The following KLHL29 variants were observed in gnomAD, a reference collection of about 807,000 sequenced individuals.
The protein encoded by KLHL29 is kelch like family member 29, also known as kelch-like protein 29.
KLHL29 carries 21 observed loss-of-function variants against 80.4 expected under a neutral mutation model. That is an observed-to-expected ratio of 0.26 (90% confidence interval 0.19 to 0.38). The LOEUF is 0.38. Ranked by LOEUF, KLHL29 falls within the 10% of genes least tolerant of loss-of-function variation. The probability of loss-of-function intolerance (pLI) is 1.00; values close to 1 mark genes in which losing one functional copy is unlikely to be tolerated. For synonymous variants in KLHL29, 511 were observed against 526.8 expected (o/e 0.97, Z 0.41); for missense variants, 867 against 1,223.9 (o/e 0.71, Z 4.35).
At position 23,642,522 on chromosome 2, in the gene KLHL29, C is replaced by T; in HGVS notation, c.612C>T (p.Tyr204=). 1 of 1,534,396 alleles carries T rather than the reference C, an allele frequency of 6.5e-7. No homozygotes were observed. The highest frequency in any genetic ancestry group is 8.8e-7 in the Non-Finnish European group (1 of 1,135,216). The change falls in exon 5 of 14, where the codon TAC becomes TAT. Residue 204 remains tyrosine (Y), a synonymous_variant. Coordinates refer to ENST00000486442, the MANE Select transcript of KLHL29 (RefSeq NM_052920.2). ...AGCTCCCGCTGATGCCAGGCCACTA[C>T]TCGCTCCCTCAGCCGCCCTCTCAGC... ...GPQLPLMPGH[Y]SLPQPPSQPL... is the part of the protein sequence containing the mutation.
At chr2:23,507,150 G>A (rs1389586671) in intron 2 of KLHL29, 15 of 429,856 alleles carry the variant, frequency 3.5e-5, no homozygotes, top group South Asian at 8.3e-5. Context: ...CCAGCTGTTG[G>A]TGGCGCTCAC....
Position 23,696,235 on chromosome 2 carries a change from T to C in KLHL29, c.1925-98T>C. ...AGGCCATGGCCCAGAAGTGTCTACT[T>C]TGCAGGTGAAGCCTTCCTCTGCCCC... is the stretch of plus-strand genomic sequence containing the variant. On this transcript the variant is annotated intron_variant, in intron 10 of 13. Coordinates refer to ENST00000486442, the MANE Select transcript of KLHL29 (RefSeq NM_052920.2). This position sits in a 1 kb window ranked among gnomAD's most constrained non-coding sequence, Gnocchi z 5.5. 6.7e-7 allele frequency: 1 copy of C among 1,487,230 alleles called. No individual in the cohort carries two copies. 92.1% of individuals were successfully genotyped at this position (1,487,230 alleles called of 1,614,324 possible).
At chr2:23,674,967 G>A (rs1670882099) in intron 5 of KLHL29, among the ~76,000 whole-genome samples, 1 of 151,988 alleles carries the variant, frequency 6.6e-6, no homozygotes, top group Non-Finnish European at 1.5e-5. Flanking sequence ...GCTCTTCCAG[G>A]TCCTGCCTTG....
At position 23,576,505 on chromosome 2, in the gene KLHL29, G is replaced by A. The variant is rs554979342; in HGVS notation, c.285+14024G>A. On this transcript the variant is annotated intron_variant, in intron 3 of 13. Coordinates refer to ENST00000486442, the MANE Select transcript of KLHL29 (RefSeq NM_052920.2). ...TGTGTTATAATGACATTAAAAAGGC[G>A]TTCTGAATTAGGTTCCATGTACCAC... Among the ~76,000 whole-genome samples the A allele has an allele frequency of 1.6e-4, 24 of 152,234 alleles. No homozygotes were observed. The East Asian group carries it at 2.9e-3, about 18-fold the overall frequency.
chr2:23,647,883 G>A lies in KLHL29; in HGVS notation c.940+5033G>A, dbSNP rs186861973. Among the ~76,000 whole-genome samples the A allele has an allele frequency of 7.9e-5, 12 of 152,196 alleles. No individual in the cohort carries two copies. Among genetic ancestry groups the A allele is most frequent in the Non-Finnish European group, 8.8e-5 (6 of 68,008 alleles). On this transcript the variant is annotated intron_variant, in intron 5 of 13. Coordinates refer to ENST00000486442, the MANE Select transcript of KLHL29 (RefSeq NM_052920.2). This position sits in a 1 kb window ranked among gnomAD's most constrained non-coding sequence, Gnocchi z 4.9. ...TGAGCCCCGGGGTCAGGGGCAGCAA[G>A]GATGCTATTTCATCCCCACTCCCCC...
intron 3 of KLHL29, among the ~76,000 whole-genome samples, chr2:23,572,512 G>T (rs1056536114): frequency 1.3e-5 from 2 of 152,140 alleles, no homozygotes; most frequent in African/African-American, 2.4e-5. Flanking sequence ...TCAGCTGCCC[G>T]TGATGCCCAG....
intron 1 of KLHL29, among the ~76,000 whole-genome samples, chr2:23,455,001 T>TG (rs10679555): frequency 0.56 from 70,577 of 125,464 alleles, 19,123 homozygotes; most frequent in South Asian, 0.71. Context: ...AACAGTGGGT[T>TG]GGGGGGGGGG....
intron 3 of KLHL29, among the ~76,000 whole-genome samples, chr2:23,585,242 A>C (rs1401176640): frequency 6.6e-6 from 1 of 152,248 alleles, no homozygotes; most frequent in East Asian, 1.9e-4. Flanking sequence ...GCAACATGGC[A>C]GCTGAAATCG....
chr2:23,407,291 C>T (rs1434714030), intron 1 of KLHL29, among the ~76,000 whole-genome samples: 1 of 152,068 alleles, frequency 6.6e-6, no homozygotes, highest in African/African-American at 2.4e-5. Context: ...TGTGAATACT[C>T]ACTTTACCCT....
At chr2:23,455,719 C>G (rs1296570871) in intron 1 of KLHL29, among the ~76,000 whole-genome samples, 1 of 148,734 alleles carries the variant, frequency 6.7e-6, no homozygotes, top group Non-Finnish European at 1.5e-5. Context: ...TCAAAAGATT[C>G]TCCTGCCTCA....
At chr2:23,658,752 C>T (rs1454725888) in intron 5 of KLHL29, among the ~76,000 whole-genome samples, 6 of 152,314 alleles carry the variant, frequency 3.9e-5, no homozygotes, top group Middle Eastern at 3.4e-3. Context: ...GACATGCTGA[C>T]GCAGAGGAAA....
chr2:23,553,527 T>C (rs1015370023), intron 2 of KLHL29, among the ~76,000 whole-genome samples: 8 of 152,168 alleles, frequency 5.3e-5, no homozygotes, highest in African/African-American at 1.9e-4. Context: ...ACCCCACATT[T>C]CATGTCCACT....
chr2:23,503,754 C>T lies in KLHL29; in HGVS notation c.-46+28087C>T, dbSNP rs565996066. The stretch of plus-strand genomic sequence containing the variant: ...GACCCTGACCGGCAGCAGCTGCCAG[C>T]GAAGGAGGAAGGAAACACAGACAGG... On this transcript the variant is annotated intron_variant, in intron 2 of 13. Transcript: ENST00000486442. This position sits in a 1 kb window ranked among gnomAD's most constrained non-coding sequence, Gnocchi z 4.0. 1.3e-5 allele frequency among the ~76,000 whole-genome samples: 2 copies of T among 152,292 alleles called. No individual in the cohort carries two copies. Among genetic ancestry groups the T allele is most frequent in the South Asian group, 4.1e-4 (2 of 4,822 alleles).
At chr2:23,572,105 G>A (rs1667729673) in intron 3 of KLHL29, among the ~76,000 whole-genome samples, 3 of 152,180 alleles carry the variant, frequency 2.0e-5, no homozygotes. Flanking sequence ...CCACACTCCT[G>A]TGTGTCAGCG....
intron 1 of KLHL29, among the ~76,000 whole-genome samples, chr2:23,422,780 CTGTG>C (rs748071406): frequency 9.9e-5 from 15 of 151,760 alleles, no homozygotes; most frequent in African/African-American, 3.6e-4. Flanking sequence ...GTGTGTGTGC[CTGTG>C]TGTGTGTTCG....
chr2:23,660,235 C>T (rs1670367276), intron 5 of KLHL29, among the ~76,000 whole-genome samples: 1 of 152,202 alleles, frequency 6.6e-6, no homozygotes, highest in South Asian at 2.1e-4. Context: ...CCTGCCTCAC[C>T]AACTGAAAGA....
At chr2:23,493,948 A>G (rs966442082) in intron 2 of KLHL29, among the ~76,000 whole-genome samples, 1 of 152,254 alleles carries the variant, frequency 6.6e-6, no homozygotes, top group Non-Finnish European at 1.5e-5. Flanking sequence ...GCACTTACCT[A>G]CACTGAAAGA....
At chr2:23,636,749 T>TGCCC in intron 3 of KLHL29, among the ~76,000 whole-genome samples, 1 of 152,350 alleles carries the variant, frequency 6.6e-6, no homozygotes, top group South Asian at 2.1e-4. Flanking sequence ...GCCAAGGGGC[T>TGCCC]GAGCAATCTG....
chr2:23,460,561 T>C (rs1016367450), intron 1 of KLHL29, among the ~76,000 whole-genome samples: 10 of 152,086 alleles, frequency 6.6e-5, no homozygotes, highest in Non-Finnish European at 1.0e-4. Context: ...GATTAATATG[T>C]GCATGTGGTA....
Sources: allele counts gnomAD v4.1 joint callset (sites outside exome capture counted in the v4.1 genomes callset), GRCh38; gene constraint gnomAD v4.1.1; non-coding constraint Gnocchi (gnomAD v3.1); transcripts MANE v1.5; gene names NCBI Gene and HGNC (gene_info 2026-07-23, HGNC 2026-07-21).